The following DKKL1 variants were observed in gnomAD, a reference collection of about 807,000 sequenced individuals.
DKKL1 encodes dickkopf like acrosomal protein 1.
DKKL1 carries 11 observed loss-of-function variants against 16.5 expected under a neutral mutation model. The observed-to-expected ratio is 0.67, with a 90% CI of 0.42 to 1.10. The LOEUF (loss-of-function observed/expected upper bound fraction) is 1.10. Ranked by LOEUF, DKKL1 falls within the 50% of genes least tolerant of loss-of-function variation. DKKL1 has a pLI of 0.00. For missense variants in DKKL1, 320 were observed against 308.1 expected, an observed-to-expected ratio of 1.04 and a Z score of -0.29; for synonymous variants, 119 against 133.2, an observed-to-expected ratio of 0.89 and a Z score of 0.73.
chr19:49,360,938 A>AGAG (rs1252388378), upstream of DKKL1, among the ~76,000 whole-genome samples: 1 of 97,698 alleles, frequency 1.0e-5, no homozygotes, highest in Non-Finnish European at 1.9e-5. Flanking sequence ...AGACCCAGTG[A>AGAG]AGGGGGGGAC....
chr19:49,368,596 T>C (rs546549861), intron 4 of DKKL1: 1 of 152,336 alleles, frequency 6.6e-6, no homozygotes, highest in East Asian at 1.9e-4. Flanking sequence ...TCACCCAGAC[T>C]GGAGTGTAGT....
chr19:49,366,195 T>G (rs1302932549), intron 4 of DKKL1, among the ~76,000 whole-genome samples: 1 of 152,136 alleles, frequency 6.6e-6, no homozygotes, highest in Non-Finnish European at 1.5e-5. Context: ...CCTTCCAAAG[T>G]GCTGGGATTA....
Position 49,365,589 on chromosome 19 carries a change from G to T in DKKL1, c.264G>T (p.Glu88Asp). 1 of 1,613,932 alleles carries T rather than the reference G, an allele frequency of 6.2e-7. No individual in the cohort carries two copies. The highest frequency in any genetic ancestry group is 8.5e-7 in the Non-Finnish European group (1 of 1,179,908). ...FRGLPGNYHK[E>D]ENQEHQLGNN... ...GCCTCCCTGGGAACTACCACAAAGA[G>T]GAGAACCAGGAGCACCAGCTGGGGA... The change falls in exon 3 of 5, where the codon GAG becomes GAT. Residue 88 changes from glutamate (E) to aspartate (D), a missense_variant. Transcript: ENST00000221498.
At chr19:49,367,571 T>TA (rs1973305224) in intron 4 of DKKL1, among the ~76,000 whole-genome samples, 2 of 151,904 alleles carry the variant, frequency 1.3e-5, no homozygotes, top group African/African-American at 4.8e-5. Context: ...CACACCTGAC[T>TA]AATTTTTCTA....
At chr19:49,364,252 G>A (rs1453754297) in intron 1 of DKKL1, among the ~76,000 whole-genome samples, 1 of 151,752 alleles carries the variant, frequency 6.6e-6, no homozygotes, top group African/African-American at 2.4e-5. Flanking sequence ...TCGGGGGGCT[G>A]AGGTGGGAGA....
At chr19:49,364,347 C>CAA (rs566267475) in intron 1 of DKKL1, among the ~76,000 whole-genome samples, 1,431 of 76,710 alleles carry the variant, frequency 0.019, 39 homozygotes, top group African/African-American at 0.058. Context: ...GTCTCGGTCT[C>CAA]AAAAAAAAAA....
intron 4 of DKKL1, among the ~76,000 whole-genome samples, chr19:49,374,248 A>G (rs989660243): frequency 5.3e-5 from 8 of 152,194 alleles, no homozygotes; most frequent in African/African-American, 1.9e-4. Flanking sequence ...GGCCTCCCAC[A>G]GTGCTGGGAT....
chr19:49,362,919 G>T (rs76236326), upstream of DKKL1, among the ~76,000 whole-genome samples: 25,285 of 128,652 alleles, frequency 0.2, 2,480 homozygotes, highest in Non-Finnish European at 0.22. Context: ...TGGTTTTTTT[G>T]TTTTTTGTTT....
At position 49,374,877 on chromosome 19, in the gene DKKL1, A is replaced by C; in HGVS notation, c.578A>C (p.Lys193Thr). 1 of 1,613,976 alleles carries C rather than the reference A, an allele frequency of 6.2e-7. No individual in the cohort carries two copies. The highest frequency in any genetic ancestry group is 2.2e-5 in the East Asian group (1 of 44,872). ...GAGGGCGGCCACTGGCTCAGCGAGAAGCGACACCGCCTGCAGGCCATCCGG... is the reference window on the plus strand; with the variant it reads ...GAGGGCGGCCACTGGCTCAGCGAGACGCGACACCGCCTGCAGGCCATCCGG... ...ALEGGHWLSE[K>T]RHRLQAIRDG... Residue 193 changes from lysine to threonine, a missense_variant, in exon 5 of 5, where the codon AAG (lysine) becomes ACG (threonine). Lys to Thr is a moderately conservative substitution (Grantham distance 78, BLOSUM62 -1). Coordinates refer to ENST00000221498, the MANE Select transcript of DKKL1 (RefSeq NM_014419.4).
chr19:49,362,772 TGA>T (rs1973045790), upstream of DKKL1, among the ~76,000 whole-genome samples: 1 of 151,598 alleles, frequency 6.6e-6, no homozygotes, highest in Admixed American at 6.6e-5. Context: ...CTCCTAGGTC[TGA>T]GAGGGGACGG....
upstream of DKKL1, among the ~76,000 whole-genome samples, chr19:49,361,188 C>T (rs1972880559): frequency 2.4e-5 from 1 of 42,470 alleles, no homozygotes; most frequent in Non-Finnish European, 4.0e-5. Context: ...AGAGAGGGGT[C>T]CAGAGGCCCA....
chr19:49,364,104 CTT>C lies in DKKL1; in HGVS notation c.10+98_10+99del. 2.7e-6 allele frequency: 4 copies of C among 1,504,786 alleles called. No homozygotes were observed. The South Asian group carries it at 4.8e-5, about 18-fold the overall frequency. 93.2% of individuals were successfully genotyped at this position (1,504,786 alleles called of 1,614,324 possible). On this transcript the variant is annotated intron_variant, in intron 1 of 4. Coordinates refer to ENST00000221498, the MANE Select transcript of DKKL1 (RefSeq NM_014419.4). ...GTGGCTTACGCCTGCAATCCCAACACTTTGGGAGGCCCAGGTGGGCGGATCGC... is the reference window on the plus strand; with the variant it reads ...GTGGCTTACGCCTGCAATCCCAACACTGGGAGGCCCAGGTGGGCGGATCGC...
In DKKL1 at chr19:49,363,906, G is replaced by A; in HGVS notation, c.-93G>A. On this transcript the variant is annotated 5_prime_UTR_variant, in exon 1 of 5. Coordinates refer to ENST00000221498, the MANE Select transcript of DKKL1 (RefSeq NM_014419.4). The stretch of plus-strand genomic sequence containing the variant: ...CTGGGCTCGAGACCATAACTGTTTG[G>A]CTTTAACAGTACGTGGGCGGCCGGA... 1 of 1,542,334 alleles carries A rather than the reference G, an allele frequency of 6.5e-7. No individual in the cohort carries two copies. Among genetic ancestry groups the A allele is most frequent in the East Asian group, 2.4e-5 (1 of 42,406 alleles).
chr19:49,373,685 G>T (rs1194622222), intron 4 of DKKL1, among the ~76,000 whole-genome samples: 1 of 152,070 alleles, frequency 6.6e-6, no homozygotes, highest in African/African-American at 2.4e-5. Flanking sequence ...GTCCAGGATG[G>T]TCTCAAACTC....
chr19:49,364,736 C>T lies in DKKL1; in HGVS notation c.165C>T (p.Phe55=). ...GCCTCCAGAGCCTACTCCAAGGCTTCAGCCGACTTTTCCTGAAAGTAAGCG... is the reference window on the plus strand; with the variant it reads ...GCCTCCAGAGCCTACTCCAAGGCTTTAGCCGACTTTTCCTGAAAGTAAGCG... ...LTGLQSLLQG[F]SRLFLKGNLL... is the part of the protein sequence containing the mutation. The change falls in exon 2 of 5, where the codon TTC becomes TTT. Residue 55 remains phenylalanine (F), a synonymous_variant. Transcript: ENST00000221498. The T allele has an allele frequency of 6.2e-7, 1 of 1,612,570 alleles. No homozygotes were observed. The highest frequency in any genetic ancestry group is 8.5e-7 in the Non-Finnish European group (1 of 1,179,474).
chr19:49,366,029 G>T, intron 4 of DKKL1, 144 bp downstream of exon 4: 1 of 693,472 alleles, frequency 1.4e-6, no homozygotes, highest in Non-Finnish European at 2.3e-6. Flanking sequence ...CGAAGTTCAG[G>T]CAATTCTCCT....
chr19:49,368,488 A>AAAATAAATAAATAAATAAAT (rs1039855646), intron 4 of DKKL1, among the ~76,000 whole-genome samples: 4,350 of 151,094 alleles, frequency 0.029, 208 homozygotes, highest in African/African-American at 0.1. Flanking sequence ...TCTGTCTCAA[A>AAAATAAATAAATAAATAAAT]AAATAAATAA....
chr19:49,369,713 G>C (rs947135229), intron 4 of DKKL1: 1 of 153,012 alleles, frequency 6.5e-6, no homozygotes, highest in East Asian at 1.9e-4. Flanking sequence ...AGAAAGTGAA[G>C]GAGGAGTCAC....
intron 4 of DKKL1, among the ~76,000 whole-genome samples, chr19:49,366,675 G>T (rs7251966): frequency 0.59 from 88,134 of 150,556 alleles, 27,013 homozygotes; most frequent in African/African-American, 0.78. Context: ...TTGTTATTGT[G>T]GTTTTGATTT....
Sources: allele counts gnomAD v4.1 joint callset (sites outside exome capture counted in the v4.1 genomes callset), GRCh38; gene constraint gnomAD v4.1.1; transcripts MANE v1.5; gene names NCBI Gene and HGNC (gene_info 2026-07-23, HGNC 2026-07-21).